The following MICAL2 variants were observed in gnomAD, a reference collection of about 807,000 sequenced individuals.
MICAL2 encodes microtubule associated monooxygenase, calponin and LIM domain containing 2, also known as [F-actin]-monooxygenase MICAL2.
A neutral mutation model predicts 127.3 loss-of-function variants in MICAL2; 77 were observed. The ratio of observed to expected loss-of-function variants is 0.60; its 90% CI spans 0.50 to 0.73. MICAL2 has a LOEUF of 0.73. MICAL2 is among the 30% of genes least tolerant of loss of function. The pLI is 0.00. For missense variants in MICAL2, 1,351 were observed against 1,434.4 expected, an observed-to-expected ratio of 0.94 and a Z score of 0.94; for synonymous variants, 570 against 551.1, an observed-to-expected ratio of 1.03 and a Z score of -0.48.
At chr11:12,195,302 C>T (rs965789613) in intron 3 of MICAL2, among the ~76,000 whole-genome samples, 6 of 152,150 alleles carry the variant, frequency 3.9e-5, no homozygotes, top group Admixed American at 3.3e-4. Context: ...AAATATTGAA[C>T]TCTAGTCAAT....
At chr11:12,273,453 C>T (rs78557512), upstream of MICAL2, among the ~76,000 whole-genome samples, 776 of 152,060 alleles carry the variant, frequency 5.1e-3, 4 homozygotes, top group Middle Eastern at 6.8e-3. Context: ...GTTACACTAA[C>T]TTAGAAGTGT....
At chr11:12,361,945 A>G (rs1028823227), downstream of MICAL2, among the ~76,000 whole-genome samples, 2 of 152,228 alleles carry the variant, frequency 1.3e-5, no homozygotes, top group Non-Finnish European at 2.9e-5. Flanking sequence ...TTGTAATAAG[A>G]AAGTTCACAT....
At position 12,255,632 on chromosome 11, in the gene MICAL2, C is replaced by A. The variant is rs1862225086; in HGVS notation, c.2848-11C>A. 3 of 1,613,300 alleles carry A rather than the reference C, an allele frequency of 1.9e-6. No homozygotes were observed. Among genetic ancestry groups the A allele is most frequent in the Non-Finnish European group, 2.5e-6 (3 of 1,179,502 alleles). Reference sequence around the variant, plus strand: ...TTTGTCTCTGTCTCCTCTGCCTCTGCTCTTGGTTAGCTGACGGTAGGGAAA... The same window carrying A: ...TTTGTCTCTGTCTCCTCTGCCTCTGATCTTGGTTAGCTGACGGTAGGGAAA... On this transcript the variant is annotated splice_polypyrimidine_tract_variant and intron_variant, in intron 22 of 27. Coordinates refer to ENST00000683283, the MANE Select transcript of MICAL2 (RefSeq NM_001282663.2).
At chr11:12,287,697 C>T (rs11821387), downstream of MICAL2, among the ~76,000 whole-genome samples, 2,583 of 152,314 alleles carry the variant, frequency 0.017, 71 homozygotes, top group African/African-American at 0.059. Context: ...GTCCCAGTGT[C>T]CTGGGGAAGA....
chr11:12,241,183 T>A, intron 18 of MICAL2, 21 bp downstream of exon 18: 1 of 1,609,068 alleles, frequency 6.2e-7, no homozygotes, highest in South Asian at 1.1e-5. Context: ...TTCCAGTGGA[T>A]GCTGTTTTGG....
chr11:12,139,239 T>C (rs1265623394), intron 2 of MICAL2, among the ~76,000 whole-genome samples: 2 of 152,212 alleles, frequency 1.3e-5, no homozygotes, highest in Non-Finnish European at 2.9e-5. Flanking sequence ...TGCTCCTGTA[T>C]TCAGCAATCA....
At chr11:12,280,223 G>A (rs1395743069) in intron 1 of MICAL2, among the ~76,000 whole-genome samples, 1 of 151,492 alleles carries the variant, frequency 6.6e-6, no homozygotes, top group Non-Finnish European at 1.5e-5. Flanking sequence ...GTATTTAAAT[G>A]CCTGAAGTTT....
At chr11:12,198,872 G>A (rs567640581) in intron 3 of MICAL2, among the ~76,000 whole-genome samples, 3 of 152,340 alleles carry the variant, frequency 2.0e-5, no homozygotes, top group East Asian at 1.9e-4. Flanking sequence ...GGAAGCACAT[G>A]AAGCTCAGGC....
At chr11:12,294,330 C>T, downstream of MICAL2, 3 of 1,614,200 alleles carry the variant, frequency 1.9e-6, no homozygotes, top group Non-Finnish European at 2.5e-6. Flanking sequence ...AAGCAAGAAT[C>T]CAAAACTTTG....
At chr11:12,148,844 A>G (rs1853255777) in intron 2 of MICAL2, among the ~76,000 whole-genome samples, 1 of 152,208 alleles carries the variant, frequency 6.6e-6, no homozygotes. Flanking sequence ...TATGCTTCAA[A>G]GAAGAACAGT....
chr11:12,338,159 T>G (rs1486190501), intron 32 of MICAL2, among the ~76,000 whole-genome samples: 4 of 152,208 alleles, frequency 2.6e-5, no homozygotes, highest in African/African-American at 7.2e-5. Context: ...GCATATATAT[T>G]TAGGATAGTT....
chr11:12,224,451 G>A (rs7928680), intron 12 of MICAL2: 6,791 of 561,120 alleles, frequency 0.012, 372 homozygotes, highest in African/African-American at 0.11. Context: ...AACTCTGCTG[G>A]AAGAGAACAT....
chr11:12,186,973 C>T (rs115034128), intron 3 of MICAL2, among the ~76,000 whole-genome samples: 122 of 152,330 alleles, frequency 8.0e-4, no homozygotes, highest in African/African-American at 2.8e-3. Context: ...TCCCTGTCCC[C>T]GACTGTGCTA....
chr11:12,212,181 G>A (rs12576744), intron 6 of MICAL2, among the ~76,000 whole-genome samples: 22,748 of 152,110 alleles, frequency 0.15, 2,973 homozygotes, highest in East Asian at 0.45. Context: ...TGTCAGGTGC[G>A]TTTACCCTGC....
At chr11:12,292,321 C>T, downstream of MICAL2, 1 of 1,613,280 alleles carries the variant, frequency 6.2e-7, no homozygotes, top group Non-Finnish European at 8.5e-7. Flanking sequence ...AGGGTCCTGC[C>T]CAGGTGTCAG....
At chr11:12,208,478 G>T in intron 5 of MICAL2, 1 of 234,342 alleles carries the variant, frequency 4.3e-6, no homozygotes, top group East Asian at 1.1e-4. Flanking sequence ...TCTTCAAGCT[G>T]TGTGTGTGTT....
intron 15 of MICAL2, among the ~76,000 whole-genome samples, chr11:12,228,616 G>A (rs1857790942): frequency 1.3e-5 from 2 of 152,212 alleles, no homozygotes; most frequent in Non-Finnish European, 2.9e-5. Context: ...GCTGGCAGAG[G>A]CAGAGCAGCC....
At chr11:12,237,606 G>A (rs1260875094) in intron 16 of MICAL2, among the ~76,000 whole-genome samples, 1 of 151,960 alleles carries the variant, frequency 6.6e-6, no homozygotes, top group East Asian at 1.9e-4. Context: ...CTAGGAGTTG[G>A]AGTGGGAAGA....
intron 29 of MICAL2, among the ~76,000 whole-genome samples, chr11:12,317,945 C>G (rs1864249196): frequency 6.6e-6 from 1 of 152,154 alleles, no homozygotes; most frequent in Non-Finnish European, 1.5e-5. Flanking sequence ...AAAGAAATTT[C>G]AATGGAAATA....
Sources: gnomAD v4.1 joint callset for allele counts (sites outside exome capture counted in the v4.1 genomes callset) on GRCh38, gnomAD v4.1.1 for gene constraint, MANE v1.5 for transcripts, NCBI Gene and HGNC (gene_info 2026-07-23, HGNC 2026-07-21) for gene names.